FAM174A: variants seen among roughly 807,000 people sequenced by gnomAD.
The protein encoded by FAM174A is family with sequence similarity 174 member A.
FAM174A carries 14 observed loss-of-function variants against 14.3 expected under a neutral mutation model. The ratio of observed to expected loss-of-function variants is 0.98; its 90% CI spans 0.65 to 1.53. The LOEUF (loss-of-function observed/expected upper bound fraction) is 1.53. Ranked by LOEUF, FAM174A falls within the 40% of genes most tolerant of loss-of-function variation. FAM174A has a pLI of 0.00. For missense variants in FAM174A, 241 were observed against 249.6 expected (o/e 0.97, Z 0.23); for synonymous variants, 108 against 111.4 (o/e 0.97, Z 0.19).
chr5:100,559,924 G>A (rs1409537224), intron 1 of FAM174A, among the ~76,000 whole-genome samples: 3 of 151,418 alleles, frequency 2.0e-5, no homozygotes, highest in African/African-American at 7.3e-5. Flanking sequence ...TAGTTTGATC[G>A]TCTGAAGCCT....
At chr5:100,552,945 G>A (rs1319577997) in intron 1 of FAM174A, among the ~76,000 whole-genome samples, 1 of 151,922 alleles carries the variant, frequency 6.6e-6, no homozygotes, top group African/African-American at 2.4e-5. Context: ...ACTTTCCTCT[G>A]TACAAATTTG....
chr5:100,545,859 A>G (rs1335699681), intron 1 of FAM174A, among the ~76,000 whole-genome samples: 1 of 152,192 alleles, frequency 6.6e-6, no homozygotes, highest in African/African-American at 2.4e-5. Flanking sequence ...GTTATCACTT[A>G]TAATTGTTTA....
At position 100,558,955 on chromosome 5, in the gene FAM174A, G is replaced by T. The variant is rs538703192; in HGVS notation, c.435-3099G>T. 6.5e-3 allele frequency among the ~76,000 whole-genome samples: 992 copies of T among 152,048 alleles called. 16 individuals are homozygous for T. Among genetic ancestry groups the T allele is most frequent in the African/African-American group, 0.023 (944 of 41,518 alleles). ...CATTTACATTTAAGGTTAATATTGT[G>T]ATGTGTGAATTTGATCCTGTCATTA... On this transcript the variant is annotated intron_variant, in intron 1 of 2. Coordinates refer to ENST00000312637, the MANE Select transcript of FAM174A (RefSeq NM_198507.3).
chr5:100,537,870 T>G (rs544713418), intron 1 of FAM174A, among the ~76,000 whole-genome samples: 1 of 152,338 alleles, frequency 6.6e-6, no homozygotes, highest in Admixed American at 6.5e-5. Flanking sequence ...GGAATATTCC[T>G]TCCTTGTTTT....
intron 1 of FAM174A, among the ~76,000 whole-genome samples, chr5:100,539,477 CT>C (rs1286117399): frequency 1.3e-5 from 2 of 152,108 alleles, no homozygotes; most frequent in Admixed American, 1.3e-4. Flanking sequence ...AAGAACCATA[CT>C]TTGTAACTGA....
intron 2 of FAM174A, among the ~76,000 whole-genome samples, chr5:100,562,781 T>TAC (rs1746555451): frequency 6.6e-6 from 1 of 151,894 alleles, no homozygotes; most frequent in African/African-American, 2.4e-5. Context: ...GTAATATATA[T>TAC]ACTGAGATCT....
At chr5:100,566,209 A>T (rs1463257391) in intron 2 of FAM174A, among the ~76,000 whole-genome samples, 3 of 141,546 alleles carry the variant, frequency 2.1e-5, no homozygotes, top group African/African-American at 7.7e-5. Context: ...ATGATATACT[A>T]TTGAATATTA....
At chr5:100,540,655 T>G (rs1746032162) in intron 1 of FAM174A, among the ~76,000 whole-genome samples, 1 of 151,732 alleles carries the variant, frequency 6.6e-6, no homozygotes, top group African/African-American at 2.4e-5. Flanking sequence ...TCAAGTTAGT[T>G]TGCTATGTGG....
intron 1 of FAM174A, among the ~76,000 whole-genome samples, chr5:100,549,034 A>T (rs964630880): frequency 1.3e-5 from 2 of 152,136 alleles, no homozygotes; most frequent in Admixed American, 1.3e-4. Flanking sequence ...ATATATACGT[A>T]TATGTATCTA....
intron 2 of FAM174A, among the ~76,000 whole-genome samples, chr5:100,580,621 G>A (rs1467510315): frequency 1.3e-5 from 2 of 152,186 alleles, no homozygotes; most frequent in Non-Finnish European, 2.9e-5. Flanking sequence ...GATTAAGAGT[G>A]GATCTGCCGC....
intron 2 of FAM174A, among the ~76,000 whole-genome samples, chr5:100,574,234 G>C (rs1398547021): frequency 4.6e-5 from 7 of 152,014 alleles, no homozygotes; most frequent in Non-Finnish European, 7.4e-5. Context: ...TGTCACCCAA[G>C]CTGGAGTGCA....
intron 2 of FAM174A, among the ~76,000 whole-genome samples, chr5:100,576,829 G>C (rs1190579026): frequency 1.3e-5 from 2 of 152,072 alleles, no homozygotes; most frequent in Non-Finnish European, 2.9e-5. Flanking sequence ...TTTTTGTTTA[G>C]TTGCTAAATC....
Position 100,535,542 on chromosome 5 carries a change from G to A in FAM174A, c.12G>A (p.Ser4=), listed in dbSNP as rs768249962. MKA[S]QCCCCLSHLL... ...GCGGTCCGGGAACGATGAAGGCCTC[G>A]CAGTGCTGCTGCTGTCTCAGCCACC... Residue 4 remains serine, a synonymous_variant, in exon 1 of 3, where the codon TCG becomes TCA. Coordinates refer to ENST00000312637, the MANE Select transcript of FAM174A (RefSeq NM_198507.3). The A allele has an allele frequency of 9.3e-6, 15 of 1,612,832 alleles. No individual in the cohort carries two copies. The highest frequency in any genetic ancestry group is 1.2e-5 in the Non-Finnish European group (14 of 1,179,908).
intron 2 of FAM174A, among the ~76,000 whole-genome samples, chr5:100,569,872 A>G (rs1746739919): frequency 6.6e-6 from 1 of 151,818 alleles, no homozygotes; most frequent in Non-Finnish European, 1.5e-5. Flanking sequence ...TGCAGAATGA[A>G]GGAGTCTTAG....
intron 2 of FAM174A, among the ~76,000 whole-genome samples, chr5:100,576,107 G>A (rs1746898786): frequency 6.6e-6 from 1 of 152,104 alleles, no homozygotes; most frequent in African/African-American, 2.4e-5. Flanking sequence ...GTTTTTTAAT[G>A]TGGCCTTAAA....
intron 2 of FAM174A, among the ~76,000 whole-genome samples, chr5:100,574,240 G>C (rs147492661): frequency 6.6e-6 from 1 of 152,022 alleles, no homozygotes; most frequent in Non-Finnish European, 1.5e-5. Flanking sequence ...CCAAGCTGGA[G>C]TGCAGTGGCA....
intron 2 of FAM174A, among the ~76,000 whole-genome samples, chr5:100,573,675 C>T (rs1190350908): frequency 6.7e-6 from 1 of 150,090 alleles, no homozygotes; most frequent in Non-Finnish European, 1.5e-5. Context: ...GATTCAATGC[C>T]ATCCCCATCA....
chr5:100,578,551 G>C (rs1746946526), intron 2 of FAM174A, among the ~76,000 whole-genome samples: 1 of 152,078 alleles, frequency 6.6e-6, no homozygotes, highest in Non-Finnish European at 1.5e-5. Context: ...TAGAATTCAG[G>C]CTTCCCTTCT....
At position 100,585,506 on chromosome 5, in the gene FAM174A, C is replaced by T. The variant is rs150948808; in HGVS notation, c.570-675C>T. Among the ~76,000 whole-genome samples the T allele has an allele frequency of 9.3e-3, 1,422 of 152,242 alleles. 17 individuals carry two copies. Among genetic ancestry groups the T allele is most frequent in the Middle Eastern group, 0.02 (6 of 294 alleles). On this transcript the variant is annotated intron_variant, in intron 2 of 2. Transcript: ENST00000312637. ...TCTGCTAACTGCAGCCTCCGCCTCCCGAGTTCAAGTGATTCTCCTGCCTCA... is the reference window on the plus strand; with the variant it reads ...TCTGCTAACTGCAGCCTCCGCCTCCTGAGTTCAAGTGATTCTCCTGCCTCA...
Sources: allele counts gnomAD v4.1 joint callset (sites outside exome capture counted in the v4.1 genomes callset), GRCh38; gene constraint gnomAD v4.1.1; transcripts MANE v1.5; gene names NCBI Gene and HGNC (gene_info 2026-07-23, HGNC 2026-07-21).